The following ADAM33 variants were observed in gnomAD, a reference collection of about 807,000 sequenced individuals.
The protein encoded by ADAM33 is ADAM metallopeptidase domain 33, also known as disintegrin and metalloproteinase domain-containing protein 33.
A neutral mutation model predicts 106.2 loss-of-function variants in ADAM33; 103 were observed. That is an observed-to-expected ratio of 0.97 (90% CI 0.83 to 1.14). The LOEUF (loss-of-function observed/expected upper bound fraction) is 1.14. Ranked by LOEUF, ADAM33 falls within the 50% of genes most tolerant of loss-of-function variation. ADAM33 has a pLI of 0.00. For synonymous variants in ADAM33, 483 were observed against 453.0 expected (o/e 1.07, Z -0.84); for missense variants, 1,120 against 1,096.6 (o/e 1.02, Z -0.30).
chr20:3,681,207 C>T (rs557909385), intron 1 of ADAM33, among the ~76,000 whole-genome samples: 2 of 152,320 alleles, frequency 1.3e-5, no homozygotes, highest in Admixed American at 6.5e-5. Flanking sequence ...TCCTCCCACC[C>T]GCTTGCAGAG....
Position 3,671,962 on chromosome 20 carries a change from AGGCCTCG to A in ADAM33, c.1614_1620del (p.Glu539ValfsTer5). The A allele has an allele frequency of 6.4e-7, 1 of 1,555,726 alleles. No homozygotes were observed. The highest frequency in any genetic ancestry group is 8.7e-7 in the Non-Finnish European group (1 of 1,149,342). On this transcript the variant is annotated frameshift_variant, in exon 15 of 22. Transcript: ENST00000356518. LOFTEE classifies it high-confidence loss of function. ...CCCGCAGAGTTCACCACCTGGAAAC[AGGCCTCG>A]GGAGCTGGGTGGGAGCCTGAGGAAG... is the stretch of plus-strand genomic sequence containing the variant.
chr20:3,676,740 G>A (rs17548927), intron 3 of ADAM33, among the ~76,000 whole-genome samples: 28,759 of 152,076 alleles, frequency 0.19, 2,972 homozygotes, highest in African/African-American at 0.26. Context: ...CTTAGCCTGG[G>A]GTGCCGGCTC....
intron 21 of ADAM33, 146 bp from the exon 22 acceptor site, chr20:3,669,146 A>C: frequency 8.3e-7 from 1 of 1,208,724 alleles, no homozygotes; most frequent in Non-Finnish European, 1.2e-6. Flanking sequence ...GGCTTCCAGC[A>C]TCCTGGTCTG....
rs952097079 is a variant in ADAM33, at chr20:3,673,663, G to T, written c.906-5C>A. 3 of 1,346,860 alleles carry T rather than the reference G, an allele frequency of 2.2e-6. No homozygotes were observed. The highest frequency in any genetic ancestry group is 8.1e-5 in the Admixed American group (2 of 24,692). The allele number at this position is 1,346,860 out of a possible 1,614,324, so 83.4% of individuals were successfully genotyped here. ...GCGCCCTGGAAGGCGCGGCCCCTGG[G>T]GGCGGAGCGCGGCGTGACCAGGCGG... On this transcript the variant is annotated splice_region_variant and splice_polypyrimidine_tract_variant and intron_variant, in intron 9 of 21. Coordinates refer to ENST00000356518, the MANE Select transcript of ADAM33 (RefSeq NM_025220.5).
Position 3,672,181 on chromosome 20 carries a change from C to T in ADAM33, c.1550G>A (p.Gly517Asp), listed in dbSNP as rs1264949915. The T allele has an allele frequency of 6.2e-7, 1 of 1,613,234 alleles. No individual in the cohort carries two copies. The change falls in exon 14 of 22, where the codon GGC becomes GAC. Residue 517 changes from glycine to aspartate, a missense_variant. Gly to Asp is a moderately conservative substitution (Grantham distance 94). Coordinates refer to ENST00000356518, the MANE Select transcript of ADAM33 (RefSeq NM_025220.5). Reference protein sequence around the residue: ...CARGSGYCWDGACPTLEQQCQ... With the variant: ...CARGSGYCWDDACPTLEQQCQ... ...CTGCTGCTCCAGCGTGGGACATGCG[C>T]CATCCCAGCAGTAGCCACTGCCCCT...
Position 3,668,395 on chromosome 20 carries a change from G to A in ADAM33, c.*568C>T, listed in dbSNP as rs1336395383. On this transcript the variant is annotated 3_prime_UTR_variant, in exon 22 of 22. Transcript: ENST00000356518. ...TCAGATTCTGAGCTCCAGAACCTCAGGTGTAGCACTGGGATTGGGGGTGGG... is the reference window on the plus strand; with the variant it reads ...TCAGATTCTGAGCTCCAGAACCTCAAGTGTAGCACTGGGATTGGGGGTGGG... 1.3e-5 allele frequency: 2 copies of A among 156,626 alleles called. No individual in the cohort carries two copies. Among genetic ancestry groups the A allele is most frequent in the African/African-American group, 4.8e-5 (2 of 41,526 alleles). 9.7% of individuals were successfully genotyped at this position (156,626 alleles called of 1,614,324 possible).
intron 11 of ADAM33, chr20:3,673,101 C>T: frequency 1.0e-5 from 15 of 1,452,706 alleles, no homozygotes; most frequent in Admixed American, 7.5e-5. Context: ...AAGGTGGAAT[C>T]GCGACCCGAC....
At chr20:3,669,932 C>T (rs1356837081) in intron 19 of ADAM33, 7 of 550,180 alleles carry the variant, frequency 1.3e-5, no homozygotes, top group Non-Finnish European at 2.3e-5. Context: ...CATCGCTCAG[C>T]TTCCAAAGAA....
Position 3,672,337 on chromosome 20 carries a change from G to C in ADAM33, c.1402-8C>G. The C allele has an allele frequency of 6.3e-7, 1 of 1,594,372 alleles. No homozygotes were observed. Among genetic ancestry groups the C allele is most frequent in the African/African-American group, 1.6e-5 (1 of 63,776 alleles). On this transcript the variant is annotated splice_region_variant and splice_polypyrimidine_tract_variant and intron_variant, in intron 13 of 21. Transcript: ENST00000356518. The stretch of plus-strand genomic sequence containing the variant: ...CGCTCCAGCCGGCTTCAGCTGCGCA[G>C]GTGACGGGTGGTGGGGAAGGCAGAG...
chr20:3,668,136 C>G lies in ADAM33; in HGVS notation c.*827G>C, dbSNP rs2146346631. On this transcript the variant is annotated 3_prime_UTR_variant, in exon 22 of 22. Coordinates refer to ENST00000356518, the MANE Select transcript of ADAM33 (RefSeq NM_025220.5). The stretch of plus-strand genomic sequence containing the variant: ...GGCCTACAGGTACACACCACCACGC[C>G]CAGCTAATTTTAAAATTTTTCTGTA... 6.6e-6 allele frequency: 1 copy of G among 152,548 alleles called. No homozygotes were observed. Among genetic ancestry groups the G allele is most frequent in the Admixed American group, 6.5e-5 (1 of 15,294 alleles). The allele number at this position is 152,548 out of a possible 1,614,324, so 9.4% of individuals were successfully genotyped here.
In ADAM33 at chr20:3,671,699, G is replaced by A; in HGVS notation, c.1787C>T (p.Thr596Ile). Residue 596 changes from threonine (T) to isoleucine (I), a missense_variant, in exon 16 of 22, where the codon ACC (threonine) becomes ATC (isoleucine). Transcript: ENST00000356518. ...CACTTCCTGGCCATCTAGGTGAACG[G>A]TAGAGTCCACTGGCACCATGTGCGG... Reference protein sequence around the residue: ...LAPHMVPVDSTVHLDGQEVTC... With the variant: ...LAPHMVPVDSIVHLDGQEVTC... 1.9e-6 allele frequency: 3 copies of A among 1,587,360 alleles called. No homozygotes were observed. The highest frequency in any genetic ancestry group is 2.6e-6 in the Non-Finnish European group (3 of 1,166,502).
intron 19 of ADAM33, chr20:3,670,769 T>C: frequency 3.6e-6 from 2 of 559,050 alleles, no homozygotes; most frequent in Non-Finnish European, 6.3e-6. Context: ...GGAGCTGTAC[T>C]GGGAGGTAGA....
chr20:3,669,269 G>A (rs369291245), intron 21 of ADAM33, 30 bp downstream of exon 21: 96 of 1,556,456 alleles, frequency 6.2e-5, no homozygotes, highest in Non-Finnish European at 8.0e-5. Flanking sequence ...CGATGAGAGG[G>A]GGAGGCTTTG....
At chr20:3,681,869 T>A (rs760846511) in intron 1 of ADAM33, 39 bp downstream of exon 1, 1 of 1,589,132 alleles carries the variant, frequency 6.3e-7, no homozygotes, top group Non-Finnish European at 8.6e-7. Flanking sequence ...CCACCGCGCC[T>A]AGCCTGCCCC....
At position 3,672,829 on chromosome 20, in the gene ADAM33, GC is replaced by G. The variant is rs2087637527; in HGVS notation, c.1202del (p.Gly401AlafsTer68). ...CCGGGGCATTGGAGAGGCAAGCGCC[GC>G]CCCCCTTGCGGAAGAAGGCGCGCAG... ...RQLRAFFRKG[G>X]GACLSNAPDP... is the part of the protein sequence containing the mutation. On this transcript the variant is annotated frameshift_variant, in exon 12 of 22. Transcript: ENST00000356518. LOFTEE classifies it high-confidence loss of function. The G allele has an allele frequency of 4.4e-6, 7 of 1,574,112 alleles. No individual in the cohort carries two copies. Among genetic ancestry groups the G allele is most frequent in the South Asian group, 2.3e-5 (2 of 88,108 alleles).
Position 3,674,806 on chromosome 20 carries a change from G to T in ADAM33, c.377C>A (p.Ser126Tyr), listed in dbSNP as rs1216437469. The T allele has an allele frequency of 6.2e-7, 1 of 1,611,408 alleles. No individual in the cohort carries two copies. Among genetic ancestry groups the T allele is most frequent in the Non-Finnish European group, 8.5e-7 (1 of 1,178,542 alleles). Reference sequence around the variant, plus strand: ...AGAGCAGGTGCAGAGGACTACCCAGGAGTCGGGGAAGCCCCTTACTCGCCC... The same window carrying T: ...AGAGCAGGTGCAGAGGACTACCCAGTAGTCGGGGAAGCCCCTTACTCGCCC... ...YQGRVRGFPD[S>Y]WVVLCTCSGM... Residue 126 changes from serine to tyrosine, a missense_variant, in exon 5 of 22, where the codon TCC (serine) becomes TAC (tyrosine). Physicochemically the swap from Ser to Tyr is moderately radical, Grantham distance 144. Coordinates refer to ENST00000356518, the MANE Select transcript of ADAM33 (RefSeq NM_025220.5).
At chr20:3,670,149 C>A (rs972922386) in intron 19 of ADAM33, 4 of 202,526 alleles carry the variant, frequency 2.0e-5, no homozygotes, top group East Asian at 1.5e-4. Context: ...TCTGCAGCGC[C>A]CCCTCCGTGC....
intron 6 of ADAM33, 94 bp from the exon 7 acceptor site, chr20:3,674,378 T>C: frequency 6.2e-7 from 1 of 1,604,284 alleles, no homozygotes; most frequent in Admixed American, 1.7e-5. Flanking sequence ...TAACATGTTT[T>C]CTGGAACTTG....
At chr20:3,681,494 A>T (rs1352015303) in intron 1 of ADAM33, among the ~76,000 whole-genome samples, 1 of 152,128 alleles carries the variant, frequency 6.6e-6, no homozygotes, top group Admixed American at 6.5e-5. Context: ...TTCCTAGAGG[A>T]CGGAGCCCCG....
Sources: gnomAD v4.1 joint callset for allele counts (sites outside exome capture counted in the v4.1 genomes callset) on GRCh38, gnomAD v4.1.1 for gene constraint, MANE v1.5 for transcripts, NCBI Gene and HGNC (gene_info 2026-07-23, HGNC 2026-07-21) for gene names.